The following TMEM163 variants were observed in gnomAD, a reference collection of about 807,000 sequenced individuals.
TMEM163 encodes transmembrane protein 163.
Under a neutral mutation model 29.3 loss-of-function variants are expected in TMEM163, and 17 were observed. The ratio of observed to expected loss-of-function variants is 0.58; its 90% confidence interval spans 0.40 to 0.87. TMEM163 has a LOEUF of 0.87. Among genes scored for constraint, TMEM163 ranks in the 40% least tolerant of loss-of-function variants. The pLI is 0.00. For synonymous variants in TMEM163, 157 were observed against 160.6 expected (o/e 0.98, Z 0.17); for missense variants, 303 against 381.5 (o/e 0.79, Z 1.71).
At chr2:134,605,786 A>AG (rs1181918052) in intron 2 of TMEM163, among the ~76,000 whole-genome samples, 27 of 152,170 alleles carry the variant, frequency 1.8e-4, no homozygotes, top group Non-Finnish European at 2.9e-4. Flanking sequence ...ATTGAGTCTG[A>AG]GAAAAAATAG....
chr2:134,590,086 C>G (rs1681906428), intron 2 of TMEM163, among the ~76,000 whole-genome samples: 1 of 151,418 alleles, frequency 6.6e-6, no homozygotes, highest in Admixed American at 6.6e-5. Context: ...TCCTTCATGC[C>G]CTCTCCCACC....
intron 1 of TMEM163, among the ~76,000 whole-genome samples, chr2:134,718,498 G>A (rs1685087211): frequency 1.3e-5 from 2 of 152,214 alleles, no homozygotes; most frequent in African/African-American, 2.4e-5. Context: ...AGGCGGGGTC[G>A]GCCTGAAGGC....
chr2:134,629,956 C>T (rs1420205926), intron 2 of TMEM163, among the ~76,000 whole-genome samples: 2 of 152,174 alleles, frequency 1.3e-5, no homozygotes, highest in Non-Finnish European at 2.9e-5. Flanking sequence ...CTATGAGCTG[C>T]TCTTTTAATT....
At chr2:134,525,365 G>A (rs962911294) in intron 4 of TMEM163, among the ~76,000 whole-genome samples, 5 of 152,098 alleles carry the variant, frequency 3.3e-5, no homozygotes, top group South Asian at 2.1e-4. Context: ...GAGCAGCACC[G>A]CGTTAAATGA....
chr2:134,628,487 G>A (rs1184728845), intron 2 of TMEM163, among the ~76,000 whole-genome samples: 2 of 152,234 alleles, frequency 1.3e-5, no homozygotes, highest in Non-Finnish European at 2.9e-5. Flanking sequence ...CCAACAATGG[G>A]ATATATGATT....
chr2:134,695,433 T>C (rs1684557566), intron 2 of TMEM163, among the ~76,000 whole-genome samples: 1 of 151,234 alleles, frequency 6.6e-6, no homozygotes, highest in Admixed American at 6.6e-5. Flanking sequence ...AAATACTAGA[T>C]AAAAATGACA....
At chr2:134,572,321 GCT>G (rs1435604559) in intron 2 of TMEM163, among the ~76,000 whole-genome samples, 2 of 152,132 alleles carry the variant, frequency 1.3e-5, no homozygotes, top group Non-Finnish European at 2.9e-5. Context: ...TGTGAAAATA[GCT>G]CTGTTCTCAG....
intron 2 of TMEM163, among the ~76,000 whole-genome samples, chr2:134,635,467 C>CA (rs1239344788): frequency 6.6e-6 from 1 of 152,134 alleles, no homozygotes; most frequent in Non-Finnish European, 1.5e-5. Context: ...TGAGGTATCT[C>CA]AGAGTGACAA....
chr2:134,564,100 G>A (rs1036897924), intron 2 of TMEM163, among the ~76,000 whole-genome samples: 12 of 152,064 alleles, frequency 7.9e-5, no homozygotes, highest in African/African-American at 1.9e-4. Context: ...CAAGACAACC[G>A]TTAACAACCA....
intron 5 of TMEM163, among the ~76,000 whole-genome samples, chr2:134,489,239 A>G (rs1452973439): frequency 6.6e-6 from 1 of 152,174 alleles, no homozygotes; most frequent in Non-Finnish European, 1.5e-5. Flanking sequence ...AACAATTCAC[A>G]TTATAAATAT....
At chr2:134,511,155 G>GC (rs1434330519) in intron 4 of TMEM163, among the ~76,000 whole-genome samples, 6 of 148,862 alleles carry the variant, frequency 4.0e-5, no homozygotes, top group Non-Finnish European at 8.9e-5. Flanking sequence ...GAACAAGGCG[G>GC]GGGGGGGTGC....
chr2:134,626,287 T>G (rs910663486), intron 2 of TMEM163, among the ~76,000 whole-genome samples: 6 of 152,004 alleles, frequency 3.9e-5, no homozygotes, highest in Admixed American at 2.0e-4. Context: ...GTATTTTTAG[T>G]AGAGACAGGG....
At chr2:134,699,992 G>T (rs1448695897) in intron 2 of TMEM163, among the ~76,000 whole-genome samples, 1 of 151,432 alleles carries the variant, frequency 6.6e-6, no homozygotes, top group Non-Finnish European at 1.5e-5. Flanking sequence ...GAATTCTGTG[G>T]TCTTACGTTT....
intron 4 of TMEM163, among the ~76,000 whole-genome samples, chr2:134,533,748 C>T (rs569157525): frequency 1.6e-3 from 248 of 152,248 alleles, no homozygotes; most frequent in African/African-American, 5.8e-3. Flanking sequence ...ACTTCCTCCC[C>T]AGGCTCCCGA....
chr2:134,519,698 T>C (rs1342642314), intron 4 of TMEM163, among the ~76,000 whole-genome samples: 3 of 137,604 alleles, frequency 2.2e-5, no homozygotes, highest in Non-Finnish European at 3.2e-5. Flanking sequence ...GGTGACAGAG[T>C]GAGATTCCGT....
intron 5 of TMEM163, among the ~76,000 whole-genome samples, chr2:134,484,124 G>C (rs1679263292): frequency 2.0e-5 from 3 of 152,122 alleles, no homozygotes; most frequent in African/African-American, 7.2e-5. Flanking sequence ...CTGGCTGACA[G>C]GGTAAGAATC....
chr2:134,647,045 C>A (rs934005171), intron 2 of TMEM163, among the ~76,000 whole-genome samples: 1 of 152,178 alleles, frequency 6.6e-6, no homozygotes, highest in South Asian at 2.1e-4. Flanking sequence ...TGAGAAGTAA[C>A]AAGAAGACAG....
chr2:134,713,534 G>C, intron 1 of TMEM163: 1 of 703,930 alleles, frequency 1.4e-6, no homozygotes, highest in Admixed American at 2.0e-5. Flanking sequence ...AATATGGGCC[G>C]TGTATTTCTG....
intron 4 of TMEM163, among the ~76,000 whole-genome samples, chr2:134,517,552 T>C (rs1475654899): frequency 1.3e-5 from 2 of 152,196 alleles, no homozygotes; most frequent in Admixed American, 6.5e-5. Flanking sequence ...CACAGTTTTG[T>C]GTTTCATTTT....
Sources: allele counts gnomAD v4.1 joint callset (sites outside exome capture counted in the v4.1 genomes callset), GRCh38; gene constraint gnomAD v4.1.1; transcripts MANE v1.5; gene names NCBI Gene and HGNC (gene_info 2026-07-23, HGNC 2026-07-21).